Variants in UBE2Z observed in about 807,000 individuals in gnomAD.
UBE2Z encodes ubiquitin-conjugating enzyme E2 Z.
Under a neutral mutation model 32.6 loss-of-function variants are expected in UBE2Z, and 10 were observed. That is an observed-to-expected ratio of 0.31 (90% CI 0.19 to 0.52). UBE2Z has a LOEUF of 0.52. Among genes scored for constraint, UBE2Z ranks in the 20% least tolerant of loss-of-function variants. The pLI, the probability that UBE2Z is intolerant of heterozygous loss-of-function variation, is 0.97. For synonymous variants in UBE2Z, 183 were observed against 190.8 expected (o/e 0.96, Z 0.34); for missense variants, 343 against 480.9 (o/e 0.71, Z 2.68).
intron 6 of UBE2Z, among the ~76,000 whole-genome samples, chr17:48,923,631 A>AAGAAAGAATATCAC (rs76585013): frequency 6.6e-6 from 1 of 151,568 alleles, no homozygotes; most frequent in South Asian, 2.1e-4. Context: ...TCAAAAAAAA[A>AAGAAAGAATATCAC]AGCTAAAAGC....
In UBE2Z at chr17:48,916,197, G is replaced by C; in HGVS notation, c.690+10G>C. 6.7e-7 allele frequency: 1 copy of C among 1,503,296 alleles called. No individual in the cohort carries two copies. The highest frequency in any genetic ancestry group is 8.9e-7 in the Non-Finnish European group (1 of 1,121,150). The allele number at this position is 1,503,296 out of a possible 1,614,324, so 93.1% of individuals were successfully genotyped here. A position where few individuals can be genotyped will look rare whatever the true frequency, so the allele number is the denominator to read the frequency against. ...GCCCGGCTTTGAACAGGTAAGGCCAGATGGGCCTGGCTCTGGGGTGTAGAC... is the reference window on the plus strand; with the variant it reads ...GCCCGGCTTTGAACAGGTAAGGCCACATGGGCCTGGCTCTGGGGTGTAGAC... On this transcript the variant is annotated intron_variant, in intron 4 of 6. Coordinates refer to ENST00000360943, the MANE Select transcript of UBE2Z (RefSeq NM_023079.5).
intron 2 of UBE2Z, 91 bp from the exon 3 acceptor site, chr17:48,912,743 G>A: frequency 7.3e-7 from 1 of 1,376,648 alleles, no homozygotes. Context: ...TATGGACTCT[G>A]CTTCTGGTGT....
In UBE2Z at chr17:48,920,443, G is replaced by A. The variant is rs186149674; in HGVS notation, c.691-717G>A. 2.0e-3 allele frequency among the ~76,000 whole-genome samples: 299 copies of A among 152,146 alleles called. 1 individual carries two copies. The highest frequency in any genetic ancestry group is 7.0e-3 in the African/African-American group (291 of 41,528). ...ACCCAGGAGGCGGAGGTTGCAGTGA[G>A]CTGAGATCGTGCCATTGCACTCCAG... On this transcript the variant is annotated intron_variant, in intron 4 of 6. Transcript: ENST00000360943.
chr17:48,924,196 T>G (rs866637149), intron 6 of UBE2Z, among the ~76,000 whole-genome samples: 1 of 152,174 alleles, frequency 6.6e-6, no homozygotes, highest in African/African-American at 2.4e-5. Flanking sequence ...AGGCAACTCC[T>G]GGGTTCAGGT....
At chr17:48,910,531 G>C (rs1427704059) in intron 1 of UBE2Z, 1 of 351,660 alleles carries the variant, frequency 2.8e-6, no homozygotes. Context: ...TTTCCAGGCT[G>C]ACATTTGATG....
chr17:48,926,106 G>A (rs1413550581), intron 6 of UBE2Z, among the ~76,000 whole-genome samples: 4 of 152,144 alleles, frequency 2.6e-5, no homozygotes, highest in African/African-American at 4.8e-5. Context: ...GACTAAGATC[G>A]AGGCTGGGTG....
chr17:48,916,580 A>AG (rs2040721558), intron 4 of UBE2Z, among the ~76,000 whole-genome samples: 1 of 74,796 alleles, frequency 1.3e-5, no homozygotes, highest in Non-Finnish European at 3.3e-5. Context: ...TCTGCTTGGG[A>AG]GGTTTTTTTT....
At chr17:48,924,778 A>G (rs2040786006) in intron 6 of UBE2Z, among the ~76,000 whole-genome samples, 1 of 145,486 alleles carries the variant, frequency 6.9e-6, no homozygotes, top group Non-Finnish European at 1.5e-5. Flanking sequence ...CCTGGGAGGC[A>G]GAGGTTGCAG....
At chr17:48,920,559 G>A (rs1485281369) in intron 4 of UBE2Z, among the ~76,000 whole-genome samples, 2 of 151,988 alleles carry the variant, frequency 1.3e-5, no homozygotes, top group African/African-American at 4.8e-5. Flanking sequence ...TTTAGTCCCA[G>A]CTACTCAGGA....
chr17:48,912,526 A>T (rs1281081550), intron 2 of UBE2Z: 1 of 310,112 alleles, frequency 3.2e-6, no homozygotes. Context: ...AAAAAAAAAA[A>T]TGCTTTAAGA....
chr17:48,923,632 A>C (rs2040778660), intron 6 of UBE2Z, among the ~76,000 whole-genome samples: 2 of 57,766 alleles, frequency 3.5e-5, no homozygotes, highest in African/African-American at 6.4e-5. Flanking sequence ...CAAAAAAAAA[A>C]GCTAAAAGCA....
chr17:48,917,333 T>A (rs2040727872), intron 4 of UBE2Z, among the ~76,000 whole-genome samples: 1 of 152,154 alleles, frequency 6.6e-6, no homozygotes, highest in Admixed American at 6.6e-5. Flanking sequence ...ATGAATTTTT[T>A]TATTTGTGAG....
At position 48,922,886 on chromosome 17, in the gene UBE2Z, C is replaced by T. The variant is rs2143773935; in HGVS notation, c.843C>T (p.Phe281=). 1 of 1,613,124 alleles carries T rather than the reference C, an allele frequency of 6.2e-7. No individual in the cohort carries two copies. Among genetic ancestry groups the T allele is most frequent in the Non-Finnish European group, 8.5e-7 (1 of 1,179,382 alleles). The change falls in exon 6 of 7, where the codon TTC becomes TTT. Residue 281 remains phenylalanine, a synonymous_variant. Transcript: ENST00000360943. ...MEKSFLEYYD[F]YEVACKDRLH... is the part of the protein sequence containing the mutation. ...AGTCCTTTCTGGAGTATTACGACTT[C>T]TACGAGGTGGCCTGCAAAGATCGCC...
At chr17:48,908,936 C>T in intron 1 of UBE2Z, 116 bp downstream of exon 1, 1 of 847,612 alleles carries the variant, frequency 1.2e-6, no homozygotes, top group South Asian at 2.4e-5. Context: ...CGCGGCGGCC[C>T]ACCTCCACGG....
chr17:48,921,369 G>A, intron 5 of UBE2Z, 97 bp downstream of exon 5: 2 of 923,672 alleles, frequency 2.2e-6, no homozygotes, highest in South Asian at 1.5e-5. Flanking sequence ...GAGGGAGATA[G>A]AGAAGAAGGA....
intron 3 of UBE2Z, among the ~76,000 whole-genome samples, chr17:48,915,335 C>T (rs1331955866): frequency 6.6e-6 from 1 of 152,146 alleles, no homozygotes; most frequent in Non-Finnish European, 1.5e-5. Flanking sequence ...CAAGCCAGTC[C>T]TGGCTTAGGT....
At chr17:48,920,891 A>G (rs1300560896) in intron 4 of UBE2Z, among the ~76,000 whole-genome samples, 1 of 151,240 alleles carries the variant, frequency 6.6e-6, no homozygotes, top group Non-Finnish European at 1.5e-5. Flanking sequence ...TAGACCTTTC[A>G]CTTCACATTC....
intron 4 of UBE2Z, among the ~76,000 whole-genome samples, chr17:48,920,416 G>A (rs959277723): frequency 6.6e-6 from 1 of 152,138 alleles, no homozygotes; most frequent in African/African-American, 2.4e-5. Context: ...AGAATCGCTT[G>A]AACCCAGGAG....
chr17:48,920,075 T>A (rs957584672), intron 4 of UBE2Z, among the ~76,000 whole-genome samples: 2 of 152,138 alleles, frequency 1.3e-5, no homozygotes, highest in Non-Finnish European at 2.9e-5. Context: ...GAGTCCCAGC[T>A]ACTTGGGAAG....
Sources: gnomAD v4.1 joint callset for allele counts (sites outside exome capture counted in the v4.1 genomes callset) on GRCh38, gnomAD v4.1.1 for gene constraint, MANE v1.5 for transcripts, NCBI Gene and HGNC (gene_info 2026-07-23, HGNC 2026-07-21) for gene names.